ATXN1: variants seen among roughly 807,000 people sequenced by gnomAD.
ATXN1 encodes ataxin-1.
Under a neutral mutation model 56.4 loss-of-function variants are expected in ATXN1, and 8 were observed. The observed-to-expected ratio is 0.14, with a 90% CI of 0.08 to 0.26. ATXN1 has a LOEUF of 0.26. Ranked by LOEUF, ATXN1 falls within the 10% of genes least tolerant of loss-of-function variation. The pLI is 1.00. For missense variants in ATXN1, 987 were observed against 1,106.5 expected (o/e 0.89, Z 1.53); for synonymous variants, 514 against 494.6 (o/e 1.04, Z -0.52).
intron 2 of ATXN1, among the ~76,000 whole-genome samples, chr6:16,691,614 A>G (rs1041665987): frequency 3.3e-5 from 5 of 152,256 alleles, no homozygotes; most frequent in African/African-American, 7.2e-5. Context: ...GCTGAAGTAC[A>G]ATGTCAAGAA....
chr6:16,688,666 G>C (rs1351664568), intron 2 of ATXN1, among the ~76,000 whole-genome samples: 2 of 152,210 alleles, frequency 1.3e-5, no homozygotes, highest in African/African-American at 4.8e-5. Flanking sequence ...TGCAAAGAGA[G>C]AATTTTGTGT....
chr6:16,393,087 T>C (rs1422964551), intron 6 of ATXN1, among the ~76,000 whole-genome samples: 1 of 152,234 alleles, frequency 6.6e-6, no homozygotes, highest in Non-Finnish European at 1.5e-5. Context: ...AGTAAATTCA[T>C]AAGCAAAACA....
At chr6:16,575,921 T>C (rs1264377837) in intron 4 of ATXN1, among the ~76,000 whole-genome samples, 2 of 152,170 alleles carry the variant, frequency 1.3e-5, no homozygotes, top group Non-Finnish European at 2.9e-5. Flanking sequence ...GCATATAAAA[T>C]TTCTAGAGAC....
At chr6:16,508,155 T>C (rs1028685949) in intron 5 of ATXN1, among the ~76,000 whole-genome samples, 1 of 152,116 alleles carries the variant, frequency 6.6e-6, no homozygotes, top group African/African-American at 2.4e-5. Flanking sequence ...TTTCTGGTAA[T>C]AGCATCAAAC....
intron 3 of ATXN1, among the ~76,000 whole-genome samples, chr6:16,637,642 G>A (rs10949371): frequency 0.24 from 36,663 of 152,050 alleles, 5,165 homozygotes; most frequent in Non-Finnish European, 0.33. Flanking sequence ...TATCCATGTC[G>A]AGTTAGGAAA....
At chr6:16,574,452 G>A (rs1377901117) in intron 4 of ATXN1, among the ~76,000 whole-genome samples, 3 of 151,978 alleles carry the variant, frequency 2.0e-5, no homozygotes, top group African/African-American at 4.8e-5. Context: ...CAGGTGATCC[G>A]CCCGCCTCGG....
chr6:16,646,335 C>T (rs956546741), intron 3 of ATXN1, among the ~76,000 whole-genome samples: 11 of 152,244 alleles, frequency 7.2e-5, no homozygotes, highest in South Asian at 4.1e-4. Flanking sequence ...AGTGGCTCTC[C>T]GCCACTTAAG....
intron 2 of ATXN1, among the ~76,000 whole-genome samples, chr6:16,668,232 T>C (rs1758471565): frequency 6.6e-6 from 1 of 152,176 alleles, no homozygotes; most frequent in Non-Finnish European, 1.5e-5. Flanking sequence ...TTAGGGTACA[T>C]GTGCACAATG....
chr6:16,724,287 G>T (rs534520583), intron 2 of ATXN1, among the ~76,000 whole-genome samples: 1 of 152,178 alleles, frequency 6.6e-6, no homozygotes, highest in Non-Finnish European at 1.5e-5. Flanking sequence ...AATTCATGAA[G>T]TCTCCAAAAG....
At chr6:16,572,652 GAC>G (rs1432344475) in intron 4 of ATXN1, among the ~76,000 whole-genome samples, 1 of 152,166 alleles carries the variant, frequency 6.6e-6, no homozygotes, top group Non-Finnish European at 1.5e-5. Context: ...CACAGAGTGA[GAC>G]ACAAGCCCAA....
At chr6:16,572,449 C>T (rs1294951407) in intron 4 of ATXN1, among the ~76,000 whole-genome samples, 2 of 152,166 alleles carry the variant, frequency 1.3e-5, no homozygotes, top group South Asian at 4.1e-4. Flanking sequence ...TACGGTTCTG[C>T]CCCTGAACCG....
chr6:16,499,506 G>A (rs1760839725), intron 5 of ATXN1, among the ~76,000 whole-genome samples: 1 of 152,050 alleles, frequency 6.6e-6, no homozygotes, highest in Admixed American at 6.6e-5. Context: ...CTCTTGAGGT[G>A]GTGCTTTTGC....
intron 2 of ATXN1, among the ~76,000 whole-genome samples, chr6:16,726,376 G>C (rs7768298): frequency 8.5e-6 from 1 of 117,072 alleles, no homozygotes; most frequent in South Asian, 2.8e-4. Context: ...GCAAGACTCT[G>C]TCTCAAAAAA....
At chr6:16,558,848 A>G (rs1290897332) in intron 4 of ATXN1, among the ~76,000 whole-genome samples, 2 of 152,202 alleles carry the variant, frequency 1.3e-5, no homozygotes, top group East Asian at 3.8e-4. Context: ...GTCAAAAGAC[A>G]AACGGAAAAA....
At chr6:16,422,749 C>T (rs1364827034) in intron 6 of ATXN1, among the ~76,000 whole-genome samples, 6 of 152,212 alleles carry the variant, frequency 3.9e-5, no homozygotes, top group East Asian at 1.9e-4. Flanking sequence ...GTAGGGAAAA[C>T]GCTACAAAAA....
chr6:16,644,686 C>T (rs1207824492), intron 3 of ATXN1, among the ~76,000 whole-genome samples: 1 of 151,792 alleles, frequency 6.6e-6, no homozygotes, highest in Admixed American at 6.6e-5. Flanking sequence ...TGAGACACAG[C>T]GTGCTGCTCT....
chr6:16,464,763 A>G (rs1258325155), intron 6 of ATXN1, among the ~76,000 whole-genome samples: 1 of 145,058 alleles, frequency 6.9e-6, no homozygotes, highest in Non-Finnish European at 1.5e-5. Flanking sequence ...AAAAAAAAAA[A>G]TCAGGGGTTT....
intron 6 of ATXN1, among the ~76,000 whole-genome samples, chr6:16,395,199 G>A (rs2113527029): frequency 6.7e-6 from 1 of 149,820 alleles, no homozygotes; most frequent in African/African-American, 2.5e-5. Context: ...GAACCCGGGA[G>A]GTGGAGGTTG....
At position 16,562,451 on chromosome 6, in the gene ATXN1, A is replaced by AAAAGGAAAGGAAAGGAAAGGAAAGG. The variant is rs1163313957; in HGVS notation, c.-361+23328_-361+23329insCCTTTCCTTTCCTTTCCTTTCCTTT. Among the ~76,000 whole-genome samples the AAAAGGAAAGGAAAGGAAAGGAAAGG allele has an allele frequency of 1.8e-3, 160 of 90,564 alleles. 3 individuals are homozygous for AAAAGGAAAGGAAAGGAAAGGAAAGG. Among genetic ancestry groups the AAAAGGAAAGGAAAGGAAAGGAAAGG allele is most frequent in the African/African-American group, 7.1e-3 (129 of 18,296 alleles). The allele number at this position is 90,564 out of a possible 152,430, so 59.4% of individuals were successfully genotyped here. ...GGAAGGAGAAGAAAAGAAAAGAAAG[A>AAAAGGAAAGGAAAGGAAAGGAAAGG]AAAGGAGAGGAGAGGAGAGGAGAGG... On this transcript the variant is annotated intron_variant, in intron 4 of 7. Coordinates refer to ENST00000436367, the MANE Select transcript of ATXN1 (RefSeq NM_001128164.2).
Sources: allele counts gnomAD v4.1 joint callset (sites outside exome capture counted in the v4.1 genomes callset), GRCh38; gene constraint gnomAD v4.1.1; transcripts MANE v1.5; gene names NCBI Gene and HGNC (gene_info 2026-07-23, HGNC 2026-07-21).